PRPF40B: variants seen among roughly 807,000 people sequenced by gnomAD.
PRPF40B encodes pre-mRNA processing factor 40B.
A neutral mutation model predicts 124.5 loss-of-function variants in PRPF40B; 56 were observed. The observed-to-expected ratio is 0.45, with a 90% confidence interval of 0.36 to 0.56. The LOEUF (loss-of-function observed/expected upper bound fraction) is 0.56. Among genes scored for constraint, PRPF40B ranks in the 20% least tolerant of loss-of-function variants. The pLI, the probability that PRPF40B is intolerant of heterozygous loss-of-function variation, is 0.00. For synonymous variants in PRPF40B, 443 were observed against 426.4 expected (o/e 1.04, Z -0.48); for missense variants, 1,053 against 1,169.5 (o/e 0.90, Z 1.45).
At chr12:49,636,135 T>C (rs984882169) in intron 15 of PRPF40B, 142 bp downstream of exon 15, 6 of 1,060,366 alleles carry the variant, frequency 5.7e-6, no homozygotes, top group Non-Finnish European at 8.0e-6. Flanking sequence ...CCAGTCCTTG[T>C]ACCTCTTTGG....
chr12:49,631,480 C>A lies in PRPF40B; in HGVS notation c.164C>A (p.Pro55His). The change falls in exon 3 of 26, where the codon CCC (proline) becomes CAC (histidine). Residue 55 changes from proline to histidine, a missense_variant. Coordinates refer to ENST00000548825, the MANE Select transcript of PRPF40B (RefSeq NM_001031698.3). The surrounding 1 kb of genome is among the most constrained non-coding windows in gnomAD (Gnocchi z 4.3). Reference protein sequence around the residue: ...PMSQRPPAIPPMPPGILPPML... With the variant: ...PMSQRPPAIPHMPPGILPPML... ...AGTCAGAGACCACCAGCTATCCCCC[C>A]CATGCCACCTGGCATCCTGCCCCCA... 6.5e-7 allele frequency: 1 copy of A among 1,536,634 alleles called. No homozygotes were observed. Among genetic ancestry groups the A allele is most frequent in the Non-Finnish European group, 8.7e-7 (1 of 1,147,240 alleles).
Position 49,642,813 on chromosome 12 carries a change from G to T in PRPF40B, c.2119-117G>T. Reference sequence around the variant, plus strand: ...GGAAGGGGAGGCCTGAGGATCCCTGGGATAGGCAGAAGGCTCTAGTCTGAG... The same window carrying T: ...GGAAGGGGAGGCCTGAGGATCCCTGTGATAGGCAGAAGGCTCTAGTCTGAG... On this transcript the variant is annotated intron_variant, in intron 21 of 25. Transcript: ENST00000548825. The surrounding 1 kb of genome is among the most constrained non-coding windows in gnomAD (Gnocchi z 5.8). 7.0e-7 allele frequency: 1 copy of T among 1,428,608 alleles called. No homozygotes were observed. Among genetic ancestry groups the T allele is most frequent in the South Asian group, 1.2e-5 (1 of 80,562 alleles). The allele number at this position is 1,428,608 out of a possible 1,614,324, so 88.5% of individuals were successfully genotyped here.
At chr12:49,637,293 T>G (rs1482267098) in intron 16 of PRPF40B, 177 bp from the exon 17 acceptor site, 3 of 603,198 alleles carry the variant, frequency 5.0e-6, no homozygotes, top group Non-Finnish European at 8.9e-6. Context: ...TTACTTTCTC[T>G]CTTTTTGCAT....
Position 49,632,996 on chromosome 12 carries a change from G to GGGGGGGGCCCCCCC in PRPF40B, c.349-18_349-17insGGGGGGGCCCCCCC. 1.4e-5 allele frequency: 16 copies of GGGGGGGGCCCCCCC among 1,147,376 alleles called. No individual in the cohort carries two copies. Among genetic ancestry groups the GGGGGGGGCCCCCCC allele is most frequent in the Non-Finnish European group, 1.8e-5 (15 of 822,990 alleles). The allele number at this position is 1,147,376 out of a possible 1,614,324, so 71.1% of individuals were successfully genotyped here. On this transcript the variant is annotated splice_polypyrimidine_tract_variant and intron_variant, in intron 6 of 25. Coordinates refer to ENST00000548825, the MANE Select transcript of PRPF40B (RefSeq NM_001031698.3). ...AAAGGGGCCTTGACCACCATTCTGT[G>GGGGGGGGCCCCCCC]CCCCCCCCCCCACCCAGAGGGCCCT...
rs915007103 is a variant in PRPF40B at position 49,623,759 on chromosome 12, G to A, written c.3+166G>A. ...AAGAGAGCCCGGGAGGGGGGATGGG[G>A]GCGGGGACTGGGGGCGAAGGGGCGG... On this transcript the variant is annotated intron_variant, in intron 1 of 25. Transcript: ENST00000548825. 65 of 1,198,858 alleles carry A rather than the reference G, an allele frequency of 5.4e-5. No homozygotes were observed. The South Asian group carries it at 8.7e-4, about 16-fold the overall frequency. The allele number at this position is 1,198,858 out of a possible 1,614,324, so 74.3% of individuals were successfully genotyped here. A position where few individuals can be genotyped will look rare whatever the true frequency, so the allele number is the denominator to read the frequency against.
chr12:49,626,187 A>G (rs183021714), intron 1 of PRPF40B, among the ~76,000 whole-genome samples: 1 of 152,400 alleles, frequency 6.6e-6, no homozygotes, highest in Admixed American at 6.5e-5. Flanking sequence ...ACACGTGTAT[A>G]CACTGTTTTC....
chr12:49,635,934 C>T lies in PRPF40B; in HGVS notation c.1367C>T (p.Ser456Phe), dbSNP rs111450410. 1 of 1,614,114 alleles carries T rather than the reference C, an allele frequency of 6.2e-7. No individual in the cohort carries two copies. Among genetic ancestry groups the T allele is most frequent in the Non-Finnish European group, 8.5e-7 (1 of 1,180,010 alleles). ...AGTGTCAACTTCCAAACCACGTGGT[C>T]CCAGGCCCAGCAGTACCTCATGGAT... is the stretch of plus-strand genomic sequence containing the variant. ...MSSVNFQTTW[S>F]QAQQYLMDNP... is the part of the protein sequence containing the mutation. The change falls in exon 15 of 26, where the codon TCC becomes TTC. Residue 456 changes from serine (S) to phenylalanine (F), a missense_variant. Physicochemically the swap from Ser to Phe is radical, Grantham distance 155. Coordinates refer to ENST00000548825, the MANE Select transcript of PRPF40B (RefSeq NM_001031698.3). The surrounding 1 kb of genome is among the most constrained non-coding windows in gnomAD (Gnocchi z 4.1).
At position 49,637,816 on chromosome 12, in the gene PRPF40B, A is replaced by C; in HGVS notation, c.1759A>C (p.Ile587Leu). 6.2e-7 allele frequency: 1 copy of C among 1,606,050 alleles called. No homozygotes were observed. Among genetic ancestry groups the C allele is most frequent in the Non-Finnish European group, 8.5e-7 (1 of 1,172,938 alleles). The change falls in exon 18 of 26, where the codon ATC (isoleucine) becomes CTC (leucine). Residue 587 changes from isoleucine (I) to leucine (L), a missense_variant. Physicochemically the swap from Ile to Leu is conservative, Grantham distance 5 (BLOSUM62 2). Coordinates refer to ENST00000548825, the MANE Select transcript of PRPF40B (RefSeq NM_001031698.3). ...FHDEKKIIKD[I>L]LKDRGFCVEV... is the part of the protein sequence containing the mutation. Reference sequence around the variant, plus strand: ...TGATGAAAAGAAGATCATTAAGGACATCCTTAAGGTGAGGGAGGCTGGGGT... The same window carrying C: ...TGATGAAAAGAAGATCATTAAGGACCTCCTTAAGGTGAGGGAGGCTGGGGT...
In PRPF40B at chr12:49,634,554, C is replaced by G. The variant is rs757157357; in HGVS notation, c.953C>G (p.Ala318Gly). 1.9e-6 allele frequency: 3 copies of G among 1,614,100 alleles called. No individual in the cohort carries two copies. The highest frequency in any genetic ancestry group is 2.5e-6 in the Non-Finnish European group (3 of 1,180,030). Residue 318 changes from alanine (A) to glycine (G), a missense_variant, in exon 12 of 26, where the codon GCC (alanine) becomes GGC (glycine). Transcript: ENST00000548825. ...LLRDKAVPSN[A>G]SWEQAMKMVV... ...TCATTCCAGGCTGTCCCCTCCAATGCCTCATGGGAACAGGCCATGAAGATG... is the reference window on the plus strand; with the variant it reads ...TCATTCCAGGCTGTCCCCTCCAATGGCTCATGGGAACAGGCCATGAAGATG...
At chr12:49,632,309 G>A in intron 4 of PRPF40B, 1 of 569,628 alleles carries the variant, frequency 1.8e-6, no homozygotes, top group African/African-American at 1.9e-5. Flanking sequence ...AGCAGAGTCT[G>A]GGTAGGATAT....
At chr12:49,634,477 G>T in intron 11 of PRPF40B, 22 bp downstream of exon 11, 1 of 1,614,164 alleles carries the variant, frequency 6.2e-7, no homozygotes, top group Non-Finnish European at 8.5e-7. Context: ...GGGCTCCCAG[G>T]GAAGGTTTGG....
chr12:49,631,798 C>A lies in PRPF40B; in HGVS notation c.229-62C>A. On this transcript the variant is annotated intron_variant, in intron 3 of 25. Coordinates refer to ENST00000548825, the MANE Select transcript of PRPF40B (RefSeq NM_001031698.3). The surrounding 1 kb of genome is among the most constrained non-coding windows in gnomAD (Gnocchi z 4.3). ...GATGTCTCAGGACCCTTTGAGGTAC[C>A]CTGTCCCTCCTGTTCCAGCCCTTAC... 6.7e-7 allele frequency: 1 copy of A among 1,492,964 alleles called. No homozygotes were observed. The allele number at this position is 1,492,964 out of a possible 1,614,324, so 92.5% of individuals were successfully genotyped here. A position where few individuals can be genotyped will look rare whatever the true frequency, so the allele number is the denominator to read the frequency against.
At position 49,641,966 on chromosome 12, in the gene PRPF40B, G is replaced by A. The variant is rs200397242; in HGVS notation, c.1826G>A (p.Ser609Asn). The A allele has an allele frequency of 1.1e-5, 17 of 1,613,832 alleles. No individual in the cohort carries two copies. Among genetic ancestry groups the A allele is most frequent in the Non-Finnish European group, 1.4e-5 (17 of 1,180,048 alleles). The change falls in exon 19 of 26, where the codon AGC becomes AAC. Residue 609 changes from serine (S) to asparagine (N), a missense_variant. Physicochemically the swap from Ser to Asn is conservative, Grantham distance 46. This residue lies in a region of PRPF40B where 895 missense variants were observed against 1,052.2 expected (regional missense o/e 0.85). Coordinates refer to ENST00000548825, the MANE Select transcript of PRPF40B (RefSeq NM_001031698.3). ...TAFEDFAHVI[S>N]FDKRAAALDA... ...TTTGAGGACTTCGCCCACGTCATAA[G>A]CTTTGACAAGAGGGCTGCCGCACTG...
At position 49,633,109 on chromosome 12, in the gene PRPF40B, C is replaced by A; in HGVS notation, c.444C>A (p.Leu148=). 6.3e-7 allele frequency: 1 copy of A among 1,597,150 alleles called. No homozygotes were observed. The highest frequency in any genetic ancestry group is 8.5e-7 in the Non-Finnish European group (1 of 1,172,720). The change falls in exon 7 of 26, where the codon CTC becomes CTA. Residue 148 remains leucine (L), a synonymous_variant. Transcript: ENST00000548825. ...CCGTGTGGGAGAAGCCCAGCGTGCT[C>A]AAGTCCAAGGCAGAGGTCCTGAGCT... ...KQSVWEKPSV[L]KSKAELLLSQ... is the part of the protein sequence containing the mutation.
Position 49,631,143 on chromosome 12 carries a change from C to T in PRPF40B, c.85-258C>T, listed in dbSNP as rs7299609. ...CAGTCTCAGTCTGGTGCTGTTAAAC[C>T]TCCCTTATTCCTTTCCTTTCCCGTT... On this transcript the variant is annotated intron_variant, in intron 2 of 25. Coordinates refer to ENST00000548825, the MANE Select transcript of PRPF40B (RefSeq NM_001031698.3). The surrounding 1 kb of genome is among the most constrained non-coding windows in gnomAD (Gnocchi z 4.3). Among the ~76,000 whole-genome samples, 37,396 of 151,972 alleles carry T rather than the reference C, an allele frequency of 0.25. 7,314 individuals are homozygous for T. The highest frequency in any genetic ancestry group is 0.55 in the African/African-American group (22,870 of 41,384).
Position 49,631,785 on chromosome 12 carries a change from C to A in PRPF40B, c.229-75C>A. 1 of 1,441,922 alleles carries A rather than the reference C, an allele frequency of 6.9e-7. No individual in the cohort carries two copies. Among genetic ancestry groups the A allele is most frequent in the South Asian group, 1.1e-5 (1 of 87,712 alleles). The allele number at this position is 1,441,922 out of a possible 1,614,324, so 89.3% of individuals were successfully genotyped here. On this transcript the variant is annotated intron_variant, in intron 3 of 25. Transcript: ENST00000548825. The surrounding 1 kb of genome is among the most constrained non-coding windows in gnomAD (Gnocchi z 4.3). ...ATGGCTCCAGTGAGATGTCTCAGGA[C>A]CCTTTGAGGTACCCTGTCCCTCCTG...
chr12:49,623,399 C>G (rs982211728), upstream of PRPF40B: 4 of 361,848 alleles, frequency 1.1e-5, no homozygotes, highest in Non-Finnish European at 1.3e-5. Flanking sequence ...TTCTCCGTGC[C>G]GGGGGGGCGG....
Position 49,642,065 on chromosome 12 carries a change from CTG to C in PRPF40B, c.1884+45_1884+46del. 1.9e-6 allele frequency: 3 copies of C among 1,605,872 alleles called. No individual in the cohort carries two copies. The highest frequency in any genetic ancestry group is 4.5e-5 in the East Asian group (2 of 44,830). The stretch of plus-strand genomic sequence containing the variant: ...GGGCGTGGGAAGTTCTCTAATTCAT[CTG>C]TGTCTTGCTCCATTCCTTCTCACTC... On this transcript the variant is annotated intron_variant, in intron 19 of 25. Transcript: ENST00000548825. The surrounding 1 kb of genome is among the most constrained non-coding windows in gnomAD (Gnocchi z 5.8).
At position 49,630,613 on chromosome 12, in the gene PRPF40B, G is replaced by T; in HGVS notation, c.72G>T (p.Met24Ile). Residue 24 changes from methionine (M) to isoleucine (I), a missense_variant, in exon 2 of 26, where the codon ATG becomes ATT. Met to Ile is a conservative substitution (Grantham distance 10). Transcript: ENST00000548825. ...CCTTCCCACCGGGGCCCCCCATGATGCCACCACCCTTCGTAAGTTTTATGT... is the reference window on the plus strand; with the variant it reads ...CCTTCCCACCGGGGCCCCCCATGATTCCACCACCCTTCGTAAGTTTTATGT... ...PAPFPPGPPM[M>I]PPPFMPPPGI... 7.6e-7 allele frequency: 1 copy of T among 1,312,238 alleles called. No homozygotes were observed. 81.3% of individuals were successfully genotyped at this position (1,312,238 alleles called of 1,614,324 possible).
Sources: allele counts gnomAD v4.1 joint callset (sites outside exome capture counted in the v4.1 genomes callset), GRCh38; gene constraint gnomAD v4.1.1; regional missense constraint gnomAD v4.1.1; non-coding constraint Gnocchi (gnomAD v3.1); transcripts MANE v1.5; gene names NCBI Gene and HGNC (gene_info 2026-07-23, HGNC 2026-07-21).